Variants in DDR2 observed in about 807,000 individuals in gnomAD.
DDR2 encodes discoidin domain-containing receptor 2.
Under a neutral mutation model 94.9 loss-of-function variants are expected in DDR2, and 27 were observed. The ratio of observed to expected loss-of-function variants is 0.28; its 90% confidence interval spans 0.21 to 0.39. DDR2 has a LOEUF of 0.39. Ranked by LOEUF, DDR2 falls within the 10% of genes least tolerant of loss-of-function variation. DDR2 has a pLI of 1.00. For synonymous variants in DDR2, 382 were observed against 377.2 expected (o/e 1.01, Z -0.15); for missense variants, 783 against 1,076.0 (o/e 0.73, Z 3.81).
In DDR2 at chr1:162,781,829, A is replaced by G. The variant is rs1439621808; in HGVS notation, c.*1583A>G. 1 of 152,218 alleles carries G rather than the reference A, an allele frequency of 6.6e-6. No individual in the cohort carries two copies. The highest frequency in any genetic ancestry group is 1.5e-5 in the Non-Finnish European group (1 of 68,044). The allele number at this position is 152,218 out of a possible 1,614,324, so 9.4% of individuals were successfully genotyped here. On this transcript the variant is annotated 3_prime_UTR_variant, in exon 18 of 18. Coordinates refer to ENST00000367921, the MANE Select transcript of DDR2 (RefSeq NM_006182.4). ...TTAATTCCAATTGAGGAGAAACAAG[A>G]AAACATTACAAATCAGTTTCCCAAG...
chr1:162,733,059 C>T (rs1276307914), intron 3 of DDR2, among the ~76,000 whole-genome samples: 1 of 152,142 alleles, frequency 6.6e-6, no homozygotes, highest in Non-Finnish European at 1.5e-5. Flanking sequence ...TGGTGGGTAG[C>T]GGAAGCATCA....
intron 1 of DDR2, among the ~76,000 whole-genome samples, chr1:162,634,974 G>C (rs568584113): frequency 6.6e-6 from 1 of 152,280 alleles, no homozygotes; most frequent in South Asian, 2.1e-4. Flanking sequence ...CTCCTGGGGT[G>C]GGGGTGGAGA....
chr1:162,771,932 G>T (rs1647246527), intron 12 of DDR2, 92 bp from the exon 13 acceptor site: 2 of 1,343,112 alleles, frequency 1.5e-6, no homozygotes, highest in African/African-American at 1.5e-5. Flanking sequence ...CTTTCACAGG[G>T]GCATGTTTTA....
intron 11 of DDR2, among the ~76,000 whole-genome samples, chr1:162,769,512 A>G (rs1052945084): frequency 1.4e-4 from 22 of 152,188 alleles, no homozygotes; most frequent in African/African-American, 5.3e-4. Flanking sequence ...ATATTACTGC[A>G]ACAAAAGACC....
chr1:162,720,854 T>C (rs1378796476), intron 3 of DDR2, among the ~76,000 whole-genome samples: 1 of 152,200 alleles, frequency 6.6e-6, no homozygotes, highest in Non-Finnish European at 1.5e-5. Context: ...GGTACATTTG[T>C]GAAAATGCTT....
rs1647535929 is a variant in DDR2 at position 162,776,124 on chromosome 1, C to CT, written c.2049-11dup. On this transcript the variant is annotated splice_polypyrimidine_tract_variant and intron_variant, in intron 15 of 17. Transcript: ENST00000367921. ...CATAGGCTACCTTCTGTCTTCTTGT[C>CT]TATTTCCTCAGTTACACCAATCTGA... The CT allele has an allele frequency of 6.2e-7, 1 of 1,605,254 alleles. No individual in the cohort carries two copies. Among genetic ancestry groups the CT allele is most frequent in the East Asian group, 2.2e-5 (1 of 44,840 alleles).
intron 9 of DDR2, among the ~76,000 whole-genome samples, chr1:162,762,513 T>C (rs1023724981): frequency 2.0e-5 from 3 of 152,240 alleles, no homozygotes; most frequent in African/African-American, 7.2e-5. Context: ...ATAACCACTG[T>C]CTGAATTATT....
intron 2 of DDR2, among the ~76,000 whole-genome samples, chr1:162,676,752 G>A (rs1659146219): frequency 6.6e-6 from 1 of 152,146 alleles, no homozygotes. Flanking sequence ...TTCCTAGGAG[G>A]TAAATATTAT....
rs141328534 is a variant in DDR2, at chr1:162,746,668, T to C, written c.83-6427T>C. ...GAGATCTGAGAATGGACAGCCTGCCTCATCAAGTGGGTCCCTGACCCCCGA... is the reference window on the plus strand; with the variant it reads ...GAGATCTGAGAATGGACAGCCTGCCCCATCAAGTGGGTCCCTGACCCCCGA... On this transcript the variant is annotated intron_variant, in intron 3 of 17. Coordinates refer to ENST00000367921, the MANE Select transcript of DDR2 (RefSeq NM_006182.4). 9.5e-3 allele frequency among the ~76,000 whole-genome samples: 1,447 copies of C among 152,304 alleles called. 22 individuals carry two copies. The highest frequency in any genetic ancestry group is 0.033 in the African/African-American group (1,382 of 41,574).
intron 1 of DDR2, among the ~76,000 whole-genome samples, chr1:162,640,303 G>T (rs746007294): frequency 6.6e-6 from 1 of 152,104 alleles, no homozygotes; most frequent in African/African-American, 2.4e-5. Context: ...GCCTCCCAAC[G>T]TGCTGGGATT....
intron 16 of DDR2, chr1:162,777,804 G>A (rs1018292721): frequency 3.3e-5 from 5 of 152,466 alleles, no homozygotes; most frequent in East Asian, 1.9e-4. Context: ...TCTGGGCTGC[G>A]CTGCGCTATG....
intron 3 of DDR2, among the ~76,000 whole-genome samples, chr1:162,725,775 C>T (rs971760246): frequency 1.3e-5 from 2 of 152,164 alleles, no homozygotes; most frequent in African/African-American, 2.4e-5. Flanking sequence ...TACAGAGACC[C>T]GTGAATCCCC....
chr1:162,653,741 C>G (rs1172918963), intron 1 of DDR2, among the ~76,000 whole-genome samples: 1 of 152,016 alleles, frequency 6.6e-6, no homozygotes, highest in Non-Finnish European at 1.5e-5. Context: ...GTAAGTTTTT[C>G]TGGAGCAGTG....
intron 2 of DDR2, among the ~76,000 whole-genome samples, chr1:162,681,169 G>T (rs895666263): frequency 8.5e-5 from 13 of 152,068 alleles, no homozygotes; most frequent in Admixed American, 7.2e-4. Context: ...TAGATCACTG[G>T]CATATCAGCT....
At chr1:162,769,704 G>A (rs1348845244) in intron 11 of DDR2, among the ~76,000 whole-genome samples, 2 of 152,180 alleles carry the variant, frequency 1.3e-5, no homozygotes, top group East Asian at 3.8e-4. Flanking sequence ...TAGTTGCTTT[G>A]TTGTTCTCCC....
chr1:162,664,324 C>A (rs1658441227), intron 2 of DDR2, among the ~76,000 whole-genome samples: 1 of 151,982 alleles, frequency 6.6e-6, no homozygotes. Context: ...ACAAATTAGA[C>A]AAGATACGTG....
chr1:162,770,580 G>T (rs571524258), intron 12 of DDR2, 68 bp downstream of exon 12: 2 of 1,421,808 alleles, frequency 1.4e-6, no homozygotes, highest in African/African-American at 1.4e-5. Flanking sequence ...GGTATGACAC[G>T]CCTGCTCCCA....
At chr1:162,722,811 C>A (rs537050417) in intron 3 of DDR2, among the ~76,000 whole-genome samples, 1 of 152,164 alleles carries the variant, frequency 6.6e-6, no homozygotes, top group East Asian at 1.9e-4. Flanking sequence ...TCTATGGGAC[C>A]CTTTCTGCTA....
chr1:162,695,324 C>T (rs1460085648), intron 2 of DDR2, among the ~76,000 whole-genome samples: 1 of 152,154 alleles, frequency 6.6e-6, no homozygotes, highest in Non-Finnish European at 1.5e-5. Context: ...CTCCACCTCC[C>T]AGGTTCAAGC....
Sources: gnomAD v4.1 joint callset for allele counts (sites outside exome capture counted in the v4.1 genomes callset) on GRCh38, gnomAD v4.1.1 for gene constraint, MANE v1.5 for transcripts, NCBI Gene and HGNC (gene_info 2026-07-23, HGNC 2026-07-21) for gene names.